The following SEMA3E variants were observed in gnomAD, a reference collection of about 807,000 sequenced individuals.
SEMA3E encodes semaphorin 3E.
In SEMA3E, 49 loss-of-function variants were observed where a neutral mutation model predicts 93.6. The ratio of observed to expected loss-of-function variants is 0.52; its 90% CI spans 0.42 to 0.66. SEMA3E has a LOEUF of 0.66. SEMA3E is among the 30% of genes least tolerant of loss of function. The pLI is 0.00. For synonymous variants in SEMA3E, 363 were observed against 330.7 expected (o/e 1.10, Z -1.06); for missense variants, 906 against 964.8 (o/e 0.94, Z 0.81).
intron 1 of SEMA3E, among the ~76,000 whole-genome samples, chr7:83,497,722 T>C (rs2713194): frequency 0.011 from 1,681 of 152,298 alleles, 23 homozygotes; most frequent in African/African-American, 0.038. Context: ...TAATTGCTCT[T>C]TTTAGCAATG....
chr7:83,642,607 T>C (rs1378138887), intron 1 of SEMA3E, among the ~76,000 whole-genome samples: 5 of 152,050 alleles, frequency 3.3e-5, no homozygotes, highest in African/African-American at 9.7e-5. Flanking sequence ...GAATTAATAA[T>C]AACACTGATG....
Position 83,421,267 on chromosome 7 carries a change from A to G in SEMA3E, c.457-2784T>C, listed in dbSNP as rs1284757764. 1.4e-5 allele frequency among the ~76,000 whole-genome samples: 2 copies of G among 142,256 alleles called. 1 individual carries two copies. Among genetic ancestry groups the G allele is most frequent in the Non-Finnish European group, 3.2e-5 (2 of 62,658 alleles). The allele number at this position is 142,256 out of a possible 152,430, so 93.3% of individuals were successfully genotyped here. On this transcript the variant is annotated intron_variant, in intron 4 of 16. Transcript: ENST00000643230. ...AGAATAATGCATAAGTACTGTAAATATTTATCAACAAATGCCATATTATGT... is the reference window on the plus strand; with the variant it reads ...AGAATAATGCATAAGTACTGTAAATGTTTATCAACAAATGCCATATTATGT...
At chr7:83,465,145 C>T (rs1018596929) in intron 4 of SEMA3E, among the ~76,000 whole-genome samples, 1 of 152,192 alleles carries the variant, frequency 6.6e-6, no homozygotes, top group Non-Finnish European at 1.5e-5. Flanking sequence ...CCTGGCTCAT[C>T]CTGGCTCAAA....
At chr7:83,491,099 C>T (rs1790373344) in intron 1 of SEMA3E, among the ~76,000 whole-genome samples, 1 of 152,052 alleles carries the variant, frequency 6.6e-6, no homozygotes, top group East Asian at 1.9e-4. Flanking sequence ...TAGAAGATAA[C>T]TTTTTTTACA....
At chr7:83,458,234 TATC>T (rs1277579671) in intron 4 of SEMA3E, among the ~76,000 whole-genome samples, 5 of 151,762 alleles carry the variant, frequency 3.3e-5, no homozygotes. Flanking sequence ...AGTTATTCAA[TATC>T]ATGTGTATGA....
chr7:83,418,544 T>C (rs770429852), intron 4 of SEMA3E, 61 bp from the exon 5 acceptor site: 45 of 1,151,068 alleles, frequency 3.9e-5, no homozygotes, highest in Non-Finnish European at 5.4e-5. Context: ...ATTTAATTCC[T>C]TAGGTAAAAC....
chr7:83,635,630 T>A (rs1404237879), intron 1 of SEMA3E, among the ~76,000 whole-genome samples: 2 of 151,962 alleles, frequency 1.3e-5, no homozygotes, highest in Non-Finnish European at 2.9e-5. Context: ...ATAAATTAAG[T>A]ACATGAAAAA....
rs535757615 is a variant in SEMA3E, at chr7:83,559,761, C to T, written c.116-69487G>A. On this transcript the variant is annotated intron_variant, in intron 1 of 16. Coordinates refer to ENST00000643230, the MANE Select transcript of SEMA3E (RefSeq NM_012431.3). ...CTGAAAATGTATATCCACACAAAAC[C>T]CTGCACACTGATGTTTATAGGTGTA... 2.0e-5 allele frequency among the ~76,000 whole-genome samples: 3 copies of T among 152,078 alleles called. No individual in the cohort carries two copies. The East Asian group carries it at 5.8e-4, about 29-fold the overall frequency.
intron 1 of SEMA3E, among the ~76,000 whole-genome samples, chr7:83,565,819 A>G (rs1034722215): frequency 6.6e-6 from 1 of 151,988 alleles, no homozygotes; most frequent in Non-Finnish European, 1.5e-5. Flanking sequence ...GAATTCTTGC[A>G]TTTTATCTTA....
Position 83,607,263 on chromosome 7 carries a change from A to G in SEMA3E, c.115+41165T>C, listed in dbSNP as rs371258072. Among the ~76,000 whole-genome samples the G allele has an allele frequency of 7.9e-5, 12 of 152,356 alleles. 1 individual carries two copies. The highest frequency in any genetic ancestry group is 6.5e-5 in the Admixed American group (1 of 15,294). The stretch of plus-strand genomic sequence containing the variant: ...AATGTGTTTAAATTATTCTTTTTAC[A>G]ACTTGATTGACTTTCTCTTTTTGAA... On this transcript the variant is annotated intron_variant, in intron 1 of 16. Transcript: ENST00000643230.
intron 1 of SEMA3E, among the ~76,000 whole-genome samples, chr7:83,601,433 T>C: frequency 1.4e-5 from 1 of 73,774 alleles, no homozygotes; most frequent in Non-Finnish European, 2.5e-5. Flanking sequence ...TTACTTACTC[T>C]TTTTTTTTTT....
At chr7:83,528,631 AT>A (rs1458185602) in intron 1 of SEMA3E, among the ~76,000 whole-genome samples, 9 of 152,242 alleles carry the variant, frequency 5.9e-5, no homozygotes, top group African/African-American at 1.9e-4. Context: ...CTAAGTCTTC[AT>A]TATAAAAGCT....
chr7:83,385,507 G>T, intron 15 of SEMA3E, 74 bp from the exon 16 acceptor site: 1 of 1,350,680 alleles, frequency 7.4e-7, no homozygotes, highest in Non-Finnish European at 1.1e-6. Flanking sequence ...ACATTATTTA[G>T]ATCCCTGCAG....
intron 13 of SEMA3E, 64 bp from the exon 14 acceptor site, chr7:83,392,785 T>A: frequency 7.0e-7 from 1 of 1,434,608 alleles, no homozygotes; most frequent in Non-Finnish European, 9.8e-7. Flanking sequence ...CTATTACACC[T>A]AGTTTTCACA....
At chr7:83,602,485 CTT>C (rs34835756) in intron 1 of SEMA3E, among the ~76,000 whole-genome samples, 43 of 147,816 alleles carry the variant, frequency 2.9e-4, no homozygotes, top group Admixed American at 4.7e-4. Context: ...TTTAGAAGCA[CTT>C]TTTTTTTTTT....
chr7:83,583,159 A>C (rs1353872525), intron 1 of SEMA3E, among the ~76,000 whole-genome samples: 1 of 152,156 alleles, frequency 6.6e-6, no homozygotes, highest in African/African-American at 2.4e-5. Flanking sequence ...TGTAGGTCTA[A>C]CATCTTTCTA....
intron 1 of SEMA3E, among the ~76,000 whole-genome samples, chr7:83,605,347 C>T (rs910084827): frequency 6.6e-6 from 1 of 151,858 alleles, no homozygotes; most frequent in Non-Finnish European, 1.5e-5. Flanking sequence ...GATGGTATCT[C>T]GTTGTGGTTT....
chr7:83,439,681 T>C (rs1789072854), intron 4 of SEMA3E, among the ~76,000 whole-genome samples: 1 of 152,192 alleles, frequency 6.6e-6, no homozygotes, highest in Non-Finnish European at 1.5e-5. Context: ...ACTTGCTCTA[T>C]GAGTCTTGAG....
chr7:83,477,505 T>C (rs1790039841), intron 2 of SEMA3E, among the ~76,000 whole-genome samples: 1 of 152,190 alleles, frequency 6.6e-6, no homozygotes, highest in African/African-American at 2.4e-5. Flanking sequence ...ATTATGTTTA[T>C]GCCTTTATAC....
Sources: allele counts gnomAD v4.1 joint callset (sites outside exome capture counted in the v4.1 genomes callset), GRCh38; gene constraint gnomAD v4.1.1; transcripts MANE v1.5; gene names NCBI Gene and HGNC (gene_info 2026-07-23, HGNC 2026-07-21).